Variants in DTWD2 observed in about 807,000 individuals in gnomAD.
The protein encoded by DTWD2 is tRNA-uridine aminocarboxypropyltransferase 2.
DTWD2 carries 39 observed loss-of-function variants against 31.8 expected under a neutral mutation model. The ratio of observed to expected loss-of-function variants is 1.22; its 90% CI spans 0.95 to 1.60. The LOEUF is 1.60. Ranked by LOEUF, DTWD2 falls within the 40% of genes most tolerant of loss-of-function variation. The pLI is 0.00. For synonymous variants in DTWD2, 180 were observed against 142.8 expected (o/e 1.26, Z -1.86); for missense variants, 515 against 381.5 (o/e 1.35, Z -2.92).
chr5:118,924,199 T>G lies in DTWD2; in HGVS notation c.597+4338A>C, dbSNP rs56078901. Among the ~76,000 whole-genome samples, 322 of 152,242 alleles carry G rather than the reference T, an allele frequency of 2.1e-3. 1 individual carries two copies. The highest frequency in any genetic ancestry group is 7.1e-3 in the African/African-American group (296 of 41,532). Reference sequence around the variant, plus strand: ...TTATCAGCAGTTTAGCTACTAAGCATGTCATATCCTACTGGAAGTATCTCC... The same window carrying G: ...TTATCAGCAGTTTAGCTACTAAGCAGGTCATATCCTACTGGAAGTATCTCC... On this transcript the variant is annotated intron_variant, in intron 4 of 5. Coordinates refer to ENST00000510708, the MANE Select transcript of DTWD2 (RefSeq NM_173666.4).
chr5:118,851,716 C>T lies in DTWD2; in HGVS notation c.598-3498G>A, dbSNP rs1240718516. ...GGGTGGGGGGAGGGGGGAGGGATAG[C>T]ATTTGGAGATACACCTAATGTTAAA... On this transcript the variant is annotated intron_variant, in intron 4 of 5. Transcript: ENST00000510708. Among the ~76,000 whole-genome samples, 3 of 150,060 alleles carry T rather than the reference C, an allele frequency of 2.0e-5. No individual in the cohort carries two copies. The East Asian group carries it at 5.9e-4, about 30-fold the overall frequency.
intron 4 of DTWD2, among the ~76,000 whole-genome samples, chr5:118,855,759 T>C (rs1440312181): frequency 6.6e-6 from 1 of 152,096 alleles, no homozygotes; most frequent in Non-Finnish European, 1.5e-5. Flanking sequence ...TTTCTAAACA[T>C]AAAAAATGCA....
Position 118,928,622 on chromosome 5 carries a change from G to A in DTWD2, c.512C>T (p.Pro171Leu). The A allele has an allele frequency of 6.2e-7, 1 of 1,602,854 alleles. No homozygotes were observed. The highest frequency in any genetic ancestry group is 8.5e-7 in the Non-Finnish European group (1 of 1,174,146). ...ACCATCAATGATGATGATTGTAGAA[G>A]GATAAACAGGAGAATCTAATATAAA... ...EEFILDSPVY[P>L]STIIIIDGTW... is the part of the protein sequence containing the mutation. Residue 171 changes from proline (P) to leucine (L), a missense_variant, in exon 4 of 6, where the codon CCT becomes CTT. By Grantham distance (98) the Pro-to-Leu change is moderately conservative. Transcript: ENST00000510708.
chr5:118,883,331 A>T (rs1752785286), intron 4 of DTWD2, among the ~76,000 whole-genome samples: 1 of 152,184 alleles, frequency 6.6e-6, no homozygotes, highest in African/African-American at 2.4e-5. Context: ...AGTCTCTAGG[A>T]AGTCCCAAAT....
intron 4 of DTWD2, among the ~76,000 whole-genome samples, chr5:118,848,486 C>T (rs970491892): frequency 2.0e-5 from 3 of 151,910 alleles, no homozygotes; most frequent in Non-Finnish European, 4.4e-5. Flanking sequence ...ATACACTTCA[C>T]AAAAGAAGTT....
intron 4 of DTWD2, among the ~76,000 whole-genome samples, chr5:118,919,050 G>A (rs73239058): frequency 0.011 from 1,615 of 152,318 alleles, 32 homozygotes; most frequent in African/African-American, 0.037. Context: ...AGCTGCAAGA[G>A]AGACTGGATA....
chr5:118,899,207 C>CA (rs1215193886), intron 4 of DTWD2, among the ~76,000 whole-genome samples: 11 of 152,140 alleles, frequency 7.2e-5, no homozygotes, highest in Admixed American at 7.2e-4. Context: ...TTCCTGAGCT[C>CA]AAGAAGACTG....
chr5:118,944,919 A>G (rs1012648572), intron 1 of DTWD2, among the ~76,000 whole-genome samples: 4 of 152,224 alleles, frequency 2.6e-5, no homozygotes, highest in South Asian at 2.1e-4. Context: ...AAGAATACCT[A>G]TAAGTCATCT....
intron 1 of DTWD2, among the ~76,000 whole-genome samples, chr5:118,975,384 T>A (rs1349927313): frequency 2.6e-5 from 4 of 152,184 alleles, no homozygotes; most frequent in African/African-American, 9.7e-5. Context: ...TCAGGTAATT[T>A]ATGTTATTCT....
intron 1 of DTWD2, among the ~76,000 whole-genome samples, chr5:118,968,603 T>C (rs1037660539): frequency 7.9e-5 from 12 of 152,182 alleles, no homozygotes; most frequent in African/African-American, 2.9e-4. Flanking sequence ...GTTTTTCCCA[T>C]AGATCTTTGC....
At chr5:118,900,924 CAAAAAA>C (rs538787473) in intron 4 of DTWD2, among the ~76,000 whole-genome samples, 1 of 73,026 alleles carries the variant, frequency 1.4e-5, no homozygotes, top group African/African-American at 5.2e-5. Context: ...GACTGCGTCT[CAAAAAA>C]AAAAAAAAAG....
chr5:118,961,683 G>C (rs907164288), intron 1 of DTWD2, among the ~76,000 whole-genome samples: 1 of 152,058 alleles, frequency 6.6e-6, no homozygotes. Flanking sequence ...ATTCTGCATA[G>C]AATATTTTGC....
chr5:118,952,089 G>A (rs1017892664), intron 1 of DTWD2, among the ~76,000 whole-genome samples: 2 of 152,100 alleles, frequency 1.3e-5, no homozygotes, highest in African/African-American at 4.8e-5. Context: ...GATAGTGAGA[G>A]GACAGAGAAG....
chr5:118,940,714 T>C (rs1243466992), intron 2 of DTWD2, among the ~76,000 whole-genome samples: 1 of 152,228 alleles, frequency 6.6e-6, no homozygotes, highest in Non-Finnish European at 1.5e-5. Flanking sequence ...ACAGAGATGT[T>C]AATTAACTTG....
At chr5:118,855,107 C>T (rs1306869348) in intron 4 of DTWD2, among the ~76,000 whole-genome samples, 1 of 150,184 alleles carries the variant, frequency 6.7e-6, no homozygotes, top group African/African-American at 2.5e-5. Flanking sequence ...GTTCAGGCTG[C>T]AGTGAGCCAT....
intron 4 of DTWD2, among the ~76,000 whole-genome samples, chr5:118,887,425 G>C (rs1236210819): frequency 5.7e-5 from 6 of 105,980 alleles, no homozygotes; most frequent in Non-Finnish European, 1.3e-4. Context: ...TAAAGACTGT[G>C]TACATGTCCA....
At chr5:118,979,095 G>T (rs2149602926) in intron 1 of DTWD2, among the ~76,000 whole-genome samples, 1 of 152,236 alleles carries the variant, frequency 6.6e-6, no homozygotes, top group South Asian at 2.1e-4. Context: ...ACAAGATCAG[G>T]AGATCAAGAC....
intron 1 of DTWD2, among the ~76,000 whole-genome samples, chr5:118,987,287 G>A (rs1755449746): frequency 6.6e-6 from 1 of 152,058 alleles, no homozygotes; most frequent in Admixed American, 6.6e-5. Context: ...TTTACTGAGC[G>A]TCAACTATAC....
chr5:118,948,250 C>G lies in DTWD2; in HGVS notation c.219-3601G>C, dbSNP rs1052479301. Among the ~76,000 whole-genome samples, 2 of 151,672 alleles carry G rather than the reference C, an allele frequency of 1.3e-5. 1 individual carries two copies. Among genetic ancestry groups the G allele is most frequent in the South Asian group, 4.2e-4 (2 of 4,808 alleles). On this transcript the variant is annotated intron_variant, in intron 1 of 5. Transcript: ENST00000510708. Reference sequence around the variant, plus strand: ...CAGCACTTTGGGAGGCCGAGGCGGGCGGATCACAAGGTCAGGAGTTAGGGA... The same window carrying G: ...CAGCACTTTGGGAGGCCGAGGCGGGGGGATCACAAGGTCAGGAGTTAGGGA...
Sources: allele counts gnomAD v4.1 joint callset (sites outside exome capture counted in the v4.1 genomes callset), GRCh38; gene constraint gnomAD v4.1.1; transcripts MANE v1.5; gene names NCBI Gene and HGNC (gene_info 2026-07-23, HGNC 2026-07-21).